Variants in ITGB1BP1 observed in about 807,000 individuals in gnomAD.
ITGB1BP1 encodes integrin beta-1-binding protein 1.
Under a neutral mutation model 28.0 loss-of-function variants are expected in ITGB1BP1, and 20 were observed. The observed-to-expected ratio is 0.71, with a 90% CI of 0.50 to 1.04. The LOEUF (loss-of-function observed/expected upper bound fraction) is 1.04. Among genes scored for constraint, ITGB1BP1 ranks in the 50% least tolerant of loss-of-function variants. The pLI, the probability that ITGB1BP1 is intolerant of heterozygous loss-of-function variation, is 0.00. For missense variants in ITGB1BP1, 228 were observed against 242.5 expected, an observed-to-expected ratio of 0.94 and a Z score of 0.40; for synonymous variants, 103 against 89.5, an observed-to-expected ratio of 1.15 and a Z score of -0.85.
At position 9,406,922 on chromosome 2, in the gene ITGB1BP1, A is replaced by G. The variant is rs1206382377; in HGVS notation, c.532-17T>C. 3 of 1,579,154 alleles carry G rather than the reference A, an allele frequency of 1.9e-6. No homozygotes were observed. Among genetic ancestry groups the G allele is most frequent in the South Asian group, 2.2e-5 (2 of 90,324 alleles). ...TGCTTGTTCCTACATTACATGAAAG[A>G]TAGAGTAAGAGCAACATTCATCTGT... On this transcript the variant is annotated splice_polypyrimidine_tract_variant and intron_variant, in intron 6 of 6. Transcript: ENST00000355346.
rs1391691163 is a variant in ITGB1BP1, at chr2:9,412,377, A to C, written c.180T>G (p.Cys60Trp). ...CAACATATTTTATTCGAAATTCTGC[A>C]CAGGTATCTGAATTATTGTTGCTTT... ...SGQSNNNSDT[C>W]AEFRIKYVGA... Residue 60 changes from cysteine to tryptophan, a missense_variant, in exon 4 of 7, where the codon TGT becomes TGG. By Grantham distance (215) the Cys-to-Trp change is radical (BLOSUM62 -2). Around this residue, in one of 2 missense-constraint regions of ITGB1BP1, gnomAD observed 192 missense variants for 181.6 expected, o/e 1.06. Transcript: ENST00000355346. 2.5e-6 allele frequency: 4 copies of C among 1,609,910 alleles called. No individual in the cohort carries two copies. Among genetic ancestry groups the C allele is most frequent in the Non-Finnish European group, 3.4e-6 (4 of 1,178,864 alleles).
chr2:9,408,140 G>T lies in ITGB1BP1; in HGVS notation c.354C>A (p.Gly118=), dbSNP rs1273905048. The T allele has an allele frequency of 8.2e-6, 13 of 1,580,304 alleles. No homozygotes were observed. The highest frequency in any genetic ancestry group is 1.1e-5 in the Non-Finnish European group (13 of 1,150,194). ...EEFIMGVSKY[G]IKVSTSDQYD... is the part of the protein sequence containing the mutation. The stretch of plus-strand genomic sequence containing the variant: ...ATTGATCTGATGTTGATACTTTTAT[G>T]CCATACTTGGAAACTCCCATAATAA... Residue 118 remains glycine (G), a synonymous_variant, in exon 5 of 7, where the codon GGC becomes GGA. Transcript: ENST00000355346.
chr2:9,408,412 G>C (rs1434719045), intron 4 of ITGB1BP1: 1 of 514,072 alleles, frequency 1.9e-6, no homozygotes, highest in African/African-American at 1.9e-5. Context: ...TTTTGAGACA[G>C]AGTCTCACTC....
intron 4 of ITGB1BP1, 99 bp from the exon 5 acceptor site, chr2:9,408,304 C>A (rs1410394658): frequency 1.4e-6 from 1 of 733,570 alleles, no homozygotes; most frequent in African/African-American, 1.8e-5. Context: ...CAAGCCCAAA[C>A]CCTTTAAAGA....
intron 1 of ITGB1BP1, 25 bp from the exon 2 acceptor site, chr2:9,418,757 G>T: frequency 2.1e-5 from 29 of 1,358,898 alleles, no homozygotes; most frequent in Non-Finnish European, 2.8e-5. Context: ...ATTGGTAACA[G>T]TTACATCGGG....
intron 1 of ITGB1BP1, chr2:9,422,436 C>T (rs944323661): frequency 2.0e-6 from 2 of 985,612 alleles, no homozygotes; most frequent in Non-Finnish European, 2.4e-6. Context: ...CTTTGCACCG[C>T]CCGGGACGTC....
chr2:9,414,241 G>T lies in ITGB1BP1; in HGVS notation c.88C>A (p.Leu30Ile). 1 of 1,613,928 alleles carries T rather than the reference G, an allele frequency of 6.2e-7. No homozygotes were observed. Among genetic ancestry groups the T allele is most frequent in the Non-Finnish European group, 8.5e-7 (1 of 1,179,864 alleles). ...STKSKSVDSS[L>I]GGLSRSSTVA... The stretch of plus-strand genomic sequence containing the variant: ...GTGCTGGATCGTGAAAGACCCCCAA[G>T]GCTAGAATCCACAGACTGAGAAACA... Residue 30 changes from leucine (L) to isoleucine (I), a missense_variant, in exon 3 of 7, where the codon CTT (leucine) becomes ATT (isoleucine). Around this residue, in one of 2 missense-constraint regions of ITGB1BP1, gnomAD observed 36 missense variants for 61.0 expected, o/e 0.59. Transcript: ENST00000355346.
intron 6 of ITGB1BP1, 86 bp from the exon 7 acceptor site, chr2:9,406,991 C>A: frequency 1.1e-6 from 1 of 934,162 alleles, no homozygotes; most frequent in Non-Finnish European, 1.8e-6. Flanking sequence ...CACACCTGAC[C>A]CTCTTAAGAC....
intron 2 of ITGB1BP1, among the ~76,000 whole-genome samples, chr2:9,418,102 T>C (rs776525920): frequency 9.9e-5 from 15 of 152,218 alleles, no homozygotes; most frequent in Non-Finnish European, 1.5e-4. Context: ...TATACTCTTA[T>C]ATTGAAAAAT....
Position 9,412,372 on chromosome 2 carries a change from T to C in ITGB1BP1, c.185A>G (p.Glu62Gly), listed in dbSNP as rs954595190. 1 of 1,610,724 alleles carries C rather than the reference T, an allele frequency of 6.2e-7. No homozygotes were observed. Among genetic ancestry groups the C allele is most frequent in the Non-Finnish European group, 8.5e-7 (1 of 1,179,050 alleles). The change falls in exon 4 of 7, where the codon GAA (glutamate) becomes GGA (glycine). Residue 62 changes from glutamate to glycine, a missense_variant. By Grantham distance (98) the Glu-to-Gly change is moderately conservative. Coordinates refer to ENST00000355346, the MANE Select transcript of ITGB1BP1 (RefSeq NM_004763.5). ...QSNNNSDTCA[E>G]FRIKYVGAIE... The stretch of plus-strand genomic sequence containing the variant: ...GGCACCAACATATTTTATTCGAAAT[T>C]CTGCACAGGTATCTGAATTATTGTT...
chr2:9,407,756 C>T (rs1485729171), intron 5 of ITGB1BP1, among the ~76,000 whole-genome samples, 158 bp from the exon 6 acceptor site: 2 of 152,178 alleles, frequency 1.3e-5, no homozygotes, highest in Non-Finnish European at 2.9e-5. Context: ...GCAATGCCTT[C>T]AGATCCCAGC....
At chr2:9,416,394 G>A (rs1287251063) in intron 2 of ITGB1BP1, among the ~76,000 whole-genome samples, 2 of 152,098 alleles carry the variant, frequency 1.3e-5, no homozygotes, top group East Asian at 1.9e-4. Context: ...GTACAGCAGA[G>A]GACCCTCCAC....
intron 1 of ITGB1BP1, chr2:9,423,120 C>T (rs1242242028): frequency 2.6e-5 from 26 of 1,010,496 alleles, no homozygotes; most frequent in Non-Finnish European, 2.8e-5. Context: ...CGCCTTGCCG[C>T]CCCTCCGGGG....
Position 9,405,577 on chromosome 2 carries a change from T to C in ITGB1BP1, c.*1257A>G, listed in dbSNP as rs1406138948. 6.6e-6 allele frequency: 1 copy of C among 152,670 alleles called. No individual in the cohort carries two copies. The highest frequency in any genetic ancestry group is 1.5e-5 in the Non-Finnish European group (1 of 68,044). The allele number at this position is 152,670 out of a possible 1,614,324, so 9.5% of individuals were successfully genotyped here. ...TATAACCGAAATTGATTATTTTCAT[T>C]GTCCTTAATGCAGTGATTTATAATT... On this transcript the variant is annotated 3_prime_UTR_variant, in exon 7 of 7. Coordinates refer to ENST00000355346, the MANE Select transcript of ITGB1BP1 (RefSeq NM_004763.5).
intron 1 of ITGB1BP1, among the ~76,000 whole-genome samples, chr2:9,419,776 C>T (rs1679571413): frequency 6.6e-6 from 1 of 152,170 alleles, no homozygotes; most frequent in Non-Finnish European, 1.5e-5. Flanking sequence ...TATCCATTTG[C>T]TCTACTGATG....
rs149518461 is a variant in ITGB1BP1, at chr2:9,415,467, G to C, written c.73-1211C>G. On this transcript the variant is annotated intron_variant, in intron 2 of 6. Coordinates refer to ENST00000355346, the MANE Select transcript of ITGB1BP1 (RefSeq NM_004763.5). This position sits in a 1 kb window ranked among gnomAD's most constrained non-coding sequence, Gnocchi z 4.1. ...TTGGTGGCACATGCCTGTAGTCCCA[G>C]CTATTTGGCAGGCTGAGGCAGGAGA... 5.7e-4 allele frequency among the ~76,000 whole-genome samples: 86 copies of C among 152,128 alleles called. No homozygotes were observed. The highest frequency in any genetic ancestry group is 2.0e-3 in the African/African-American group (84 of 41,486).
rs1553334775 is a variant in ITGB1BP1 at position 9,406,026 on chromosome 2, A to AGTGT, written c.*804_*807dup. On this transcript the variant is annotated 3_prime_UTR_variant, in exon 7 of 7. Coordinates refer to ENST00000355346, the MANE Select transcript of ITGB1BP1 (RefSeq NM_004763.5). ...TGTCCTCAGTCTTCCTCAGGCCTTC[A>AGTGT]GTGTGTGTCACTGAGTGGACCTCTG... 1.5e-4 allele frequency: 22 copies of AGTGT among 144,258 alleles called. No homozygotes were observed. Among genetic ancestry groups the AGTGT allele is most frequent in the East Asian group, 1.3e-3 (6 of 4,560 alleles). The allele number at this position is 144,258 out of a possible 1,614,324, so 8.9% of individuals were successfully genotyped here.
Position 9,412,326 on chromosome 2 carries a change from G to C in ITGB1BP1, c.231C>G (p.Ser77=), listed in dbSNP as rs745436736. The change falls in exon 4 of 7, where the codon TCC becomes TCG. Residue 77 remains serine, a synonymous_variant. Coordinates refer to ENST00000355346, the MANE Select transcript of ITGB1BP1 (RefSeq NM_004763.5). ...ATGGCCCTTCAAGGCCTTTTCCCTC[G>C]GAGAGTTTCAGTTTCTCAATGGCAC... ...YVGAIEKLKL[S]EGKGLEGPLD... 5.6e-6 allele frequency: 9 copies of C among 1,612,254 alleles called. No homozygotes were observed. In the East Asian group the frequency reaches 2.0e-4, roughly 36 times the overall value.
At chr2:9,413,353 G>C (rs542222904) in intron 3 of ITGB1BP1, among the ~76,000 whole-genome samples, 2 of 152,042 alleles carry the variant, frequency 1.3e-5, no homozygotes, top group African/African-American at 4.8e-5. Flanking sequence ...TTTTGAGATG[G>C]AGTCTTATTC....
Sources: gnomAD v4.1 joint callset for allele counts (sites outside exome capture counted in the v4.1 genomes callset) on GRCh38, gnomAD v4.1.1 for gene constraint, gnomAD v4.1.1 regional missense constraint, Gnocchi (gnomAD v3.1) non-coding constraint, MANE v1.5 for transcripts, NCBI Gene and HGNC (gene_info 2026-07-23, HGNC 2026-07-21) for gene names.